MYO10: variants seen among roughly 807,000 people sequenced by gnomAD.
The protein encoded by MYO10 is unconventional myosin-X.
Under a neutral mutation model 257.3 loss-of-function variants are expected in MYO10, and 133 were observed. That is an observed-to-expected ratio of 0.52 (90% CI 0.45 to 0.60). MYO10 has a LOEUF of 0.60. MYO10 is among the 20% of genes least tolerant of loss of function. The pLI, the probability that MYO10 is intolerant of heterozygous loss-of-function variation, is 0.00. For synonymous variants in MYO10, 1,104 were observed against 1,028.6 expected, an observed-to-expected ratio of 1.07 and a Z score of -1.40; for missense variants, 2,399 against 2,635.7, an observed-to-expected ratio of 0.91 and a Z score of 1.97.
At chr5:16,728,579 C>T (rs1739461789) in intron 19 of MYO10, among the ~76,000 whole-genome samples, 1 of 151,644 alleles carries the variant, frequency 6.6e-6, no homozygotes, top group South Asian at 2.1e-4. Context: ...CATATAATGA[C>T]ACCTAATATT....
intron 1 of MYO10, among the ~76,000 whole-genome samples, chr5:16,900,741 CTTG>C (rs1375596463): frequency 2.2e-5 from 2 of 89,278 alleles, no homozygotes; most frequent in African/African-American, 8.8e-5. Flanking sequence ...CTCCCTAAAT[CTTG>C]TTTTTTTTTT....
chr5:16,803,955 C>T (rs1293397220), intron 3 of MYO10, among the ~76,000 whole-genome samples: 1 of 152,184 alleles, frequency 6.6e-6, no homozygotes, highest in Non-Finnish European at 1.5e-5. Context: ...CTGTGATGGG[C>T]AGCAGAGGTC....
chr5:16,720,378 G>A (rs1193286967), intron 19 of MYO10, among the ~76,000 whole-genome samples: 1 of 152,188 alleles, frequency 6.6e-6, no homozygotes, highest in Non-Finnish European at 1.5e-5. Flanking sequence ...TTCTCAAAGT[G>A]AGTGGTACTG....
intron 2 of MYO10, among the ~76,000 whole-genome samples, chr5:16,824,519 A>C (rs1742945129): frequency 6.6e-6 from 1 of 152,228 alleles, no homozygotes. Context: ...CCAGACACTA[A>C]GTAAAAATGA....
Position 16,675,070 on chromosome 5 carries a change from A to G in MYO10, c.4747T>C (p.Ser1583Pro). Residue 1583 changes from serine (S) to proline (P), a missense_variant, in exon 35 of 41, where the codon TCT becomes CCT. Around this residue, in one of 3 missense-constraint regions of MYO10, gnomAD observed 1,820 missense variants for 1,939.4 expected, o/e 0.94. Coordinates refer to ENST00000513610, the MANE Select transcript of MYO10 (RefSeq NM_012334.3). ...FNSLQQLESMSDPIPIIQGIL... is the reference protein window; with the variant it reads ...FNSLQQLESMPDPIPIIQGIL... ...CCCTGGATTATTGGAATTGGGTCAG[A>G]CATGGACTCCAGTTGCTGCAGGGAA... is the stretch of plus-strand genomic sequence containing the variant. 6.2e-7 allele frequency: 1 copy of G among 1,613,936 alleles called. No homozygotes were observed. The highest frequency in any genetic ancestry group is 1.1e-5 in the South Asian group (1 of 91,084).
rs1027681518 is a variant in MYO10, at chr5:16,758,144, G to A, written c.1822C>T (p.Arg608Trp). 6.2e-6 allele frequency: 10 copies of A among 1,612,648 alleles called. No homozygotes were observed. Among genetic ancestry groups the A allele is most frequent in the Non-Finnish European group, 7.6e-6 (9 of 1,178,814 alleles). The change falls in exon 18 of 41, where the codon CGG becomes TGG. Residue 608 changes from arginine to tryptophan, a missense_variant. By Grantham distance (101) the Arg-to-Trp change is moderately radical. Coordinates refer to ENST00000513610, the MANE Select transcript of MYO10 (RefSeq NM_012334.3). Reference sequence around the variant, plus strand: ...TTGAACTGTGAGCTGACTGTAGGCCGCCGATGTTTGCTTCCACATTTCAAG... The same window carrying A: ...TTGAACTGTGAGCTGACTGTAGGCCACCGATGTTTGCTTCCACATTTCAAG... ...DTLKCGSKHR[R>W]PTVSSQFKDS...
intron 37 of MYO10, among the ~76,000 whole-genome samples, chr5:16,672,323 T>C (rs27553): frequency 0.66 from 97,357 of 148,624 alleles, 32,033 homozygotes; most frequent in East Asian, 0.75. Flanking sequence ...GTCCATTTTA[T>C]ATTGTAGACA....
At position 16,673,902 on chromosome 5, in the gene MYO10, CACTA is replaced by C. The variant is rs368591680; in HGVS notation, c.4965-17_4965-14del. 101 of 1,612,298 alleles carry C rather than the reference CACTA, an allele frequency of 6.3e-5. 1 individual carries two copies. The Middle Eastern group carries it at 3.5e-3, about 55-fold the overall frequency. On this transcript the variant is annotated splice_polypyrimidine_tract_variant and intron_variant, in intron 35 of 40. Coordinates refer to ENST00000513610, the MANE Select transcript of MYO10 (RefSeq NM_012334.3). ...CTGTTCCCGTATCCTAGGAGGCAAA[CACTA>C]ACTGTTAATTTTTAGACTGATGGGG... is the stretch of plus-strand genomic sequence containing the variant.
At position 16,667,565 on chromosome 5, in the gene MYO10, T is replaced by C. The variant is rs1420602010; in HGVS notation, c.6075+712A>G. Among the ~76,000 whole-genome samples, 3 of 152,042 alleles carry C rather than the reference T, an allele frequency of 2.0e-5. No individual in the cohort carries two copies. The East Asian group carries it at 5.8e-4, about 29-fold the overall frequency. On this transcript the variant is annotated intron_variant, in intron 40 of 40. Coordinates refer to ENST00000513610, the MANE Select transcript of MYO10 (RefSeq NM_012334.3). ...TCCTGCAGCCTGGCACCTGGGACCCTTGAGTCAAGGGCTCTCCACCCTCTT... is the reference window on the plus strand; with the variant it reads ...TCCTGCAGCCTGGCACCTGGGACCCCTGAGTCAAGGGCTCTCCACCCTCTT...
chr5:16,919,685 T>C (rs950111673), intron 1 of MYO10, among the ~76,000 whole-genome samples: 4 of 152,088 alleles, frequency 2.6e-5, no homozygotes, highest in African/African-American at 7.2e-5. Flanking sequence ...ATGGAATAAA[T>C]AAACACACAG....
At chr5:16,693,057 A>G (rs1244898812) in intron 27 of MYO10, among the ~76,000 whole-genome samples, 1 of 152,106 alleles carries the variant, frequency 6.6e-6, no homozygotes, top group Non-Finnish European at 1.5e-5. Context: ...CTTTGAACCC[A>G]CGAGTTTGAG....
At chr5:16,858,006 T>C (rs1298365835) in intron 2 of MYO10, among the ~76,000 whole-genome samples, 2 of 152,192 alleles carry the variant, frequency 1.3e-5, no homozygotes, top group Admixed American at 1.3e-4. Flanking sequence ...AAACTTTTTC[T>C]GCTAAAGGAC....
intron 40 of MYO10, among the ~76,000 whole-genome samples, chr5:16,667,631 C>A (rs917015893): frequency 6.6e-5 from 10 of 152,060 alleles, no homozygotes; most frequent in African/African-American, 2.4e-4. Flanking sequence ...AGGGAACCTA[C>A]AATGCCACAT....
chr5:16,775,433 T>C (rs1175391283), intron 9 of MYO10, among the ~76,000 whole-genome samples: 1 of 152,160 alleles, frequency 6.6e-6, no homozygotes, highest in Non-Finnish European at 1.5e-5. Context: ...AAAAGAATCA[T>C]GTTTTTTGTT....
In MYO10 at chr5:16,665,246, A is replaced by C. The variant is rs1389324144; in HGVS notation, c.*1446T>G. 2.0e-5 allele frequency: 3 copies of C among 151,698 alleles called. No homozygotes were observed. Among genetic ancestry groups the C allele is most frequent in the Non-Finnish European group, 4.4e-5 (3 of 67,964 alleles). 9.4% of individuals were successfully genotyped at this position (151,698 alleles called of 1,614,324 possible). On this transcript the variant is annotated 3_prime_UTR_variant, in exon 41 of 41. Coordinates refer to ENST00000513610, the MANE Select transcript of MYO10 (RefSeq NM_012334.3). ...ACCACCAAAAAGCCAAAACAAAAAT[A>C]AGCCTCCCCTCCATGGTTTTTAGAG...
At chr5:16,712,957 G>A (rs1284889788) in intron 19 of MYO10, among the ~76,000 whole-genome samples, 3 of 152,142 alleles carry the variant, frequency 2.0e-5, no homozygotes, top group African/African-American at 7.2e-5. Context: ...AATGCGGGTT[G>A]GGGGGTGGCT....
At position 16,841,646 on chromosome 5, in the gene MYO10, G is replaced by A. The variant is rs35386172; in HGVS notation, c.121-23479C>T. On this transcript the variant is annotated intron_variant, in intron 2 of 40. Coordinates refer to ENST00000513610, the MANE Select transcript of MYO10 (RefSeq NM_012334.3). ...CATGAGCTCCACAGACCATCACAACGCGGCAGCCTTTGTGGTCTGAGACAC... is the reference window on the plus strand; with the variant it reads ...CATGAGCTCCACAGACCATCACAACACGGCAGCCTTTGTGGTCTGAGACAC... Among the ~76,000 whole-genome samples, 745 of 152,252 alleles carry A rather than the reference G, an allele frequency of 4.9e-3. 2 individuals carry two copies. The highest frequency in any genetic ancestry group is 8.0e-3 in the Non-Finnish European group (547 of 68,008).
rs1746433819 is a variant in MYO10, at chr5:16,936,047, C to T, written c.-239G>A. On this transcript the variant is annotated 5_prime_UTR_variant, in exon 1 of 41. Transcript: ENST00000513610. ...CTTTGTCTCTTCTTCCTCCAAGTTC[C>T]TCACTACTGGGCGCAGCGCTCGCAA... 1 of 581,892 alleles carries T rather than the reference C, an allele frequency of 1.7e-6. No individual in the cohort carries two copies. 36.0% of individuals were successfully genotyped at this position (581,892 alleles called of 1,614,324 possible). A position where few individuals can be genotyped will look rare whatever the true frequency, so the allele number is the denominator to read the frequency against.
intron 2 of MYO10, among the ~76,000 whole-genome samples, chr5:16,840,081 C>T (rs1017394317): frequency 2.0e-5 from 3 of 152,108 alleles, no homozygotes; most frequent in African/African-American, 7.2e-5. Context: ...CAGAGCTCTG[C>T]CAGGTTTCCT....
Sources: allele counts gnomAD v4.1 joint callset (sites outside exome capture counted in the v4.1 genomes callset), GRCh38; gene constraint gnomAD v4.1.1; regional missense constraint gnomAD v4.1.1; transcripts MANE v1.5; gene names NCBI Gene and HGNC (gene_info 2026-07-23, HGNC 2026-07-21).